DPP10: variants seen among roughly 807,000 people sequenced by gnomAD.
DPP10 encodes dipeptidyl peptidase like 10, also known as inactive dipeptidyl peptidase 10.
In DPP10, 33 loss-of-function variants were observed where a neutral mutation model predicts 120.9. The ratio of observed to expected loss-of-function variants is 0.27; its 90% CI spans 0.21 to 0.37. The LOEUF (loss-of-function observed/expected upper bound fraction) is 0.37, where lower values mean the gene tolerates loss of function less well. Among genes scored for constraint, DPP10 ranks in the 10% least tolerant of loss-of-function variants. The pLI, the probability that DPP10 is intolerant of heterozygous loss-of-function variation, is 1.00. For synonymous variants in DPP10, 337 were observed against 326.1 expected (o/e 1.03, Z -0.36); for missense variants, 816 against 942.8 (o/e 0.87, Z 1.76).
At chr2:114,639,816 A>G (rs914549304) in intron 1 of DPP10, among the ~76,000 whole-genome samples, 2 of 151,826 alleles carry the variant, frequency 1.3e-5, no homozygotes, top group South Asian at 2.1e-4. Flanking sequence ...TTGTTTTCTT[A>G]GTTGTGAAAT....
Position 115,168,114 on chromosome 2 carries a change from A to G in DPP10, c.61-141125A>G, listed in dbSNP as rs76171024. ...ACCCAGGGTGCATGTCCCTACTGTT[A>G]TGGGGAGGGGCATGGAATTGGATTA... On this transcript the variant is annotated intron_variant, in intron 1 of 25. Transcript: ENST00000410059. Among the ~76,000 whole-genome samples the G allele has an allele frequency of 4.3e-3, 650 of 152,064 alleles. 3 individuals carry two copies. Among genetic ancestry groups the G allele is most frequent in the African/African-American group, 0.015 (618 of 41,486 alleles).
intron 17 of DPP10, among the ~76,000 whole-genome samples, chr2:115,786,294 AT>A (rs1219577709): frequency 6.6e-6 from 1 of 152,224 alleles, no homozygotes; most frequent in Non-Finnish European, 1.5e-5. Flanking sequence ...CAAGATAAAC[AT>A]TGTTCATCAT....
chr2:114,935,669 C>T (rs924568825), intron 1 of DPP10, among the ~76,000 whole-genome samples: 5 of 146,000 alleles, frequency 3.4e-5, no homozygotes, highest in South Asian at 2.4e-4. Context: ...ATGATCCTTT[C>T]GGTTATTTGC....
chr2:115,538,178 A>G (rs1207920813), intron 5 of DPP10, among the ~76,000 whole-genome samples: 1 of 152,038 alleles, frequency 6.6e-6, no homozygotes, highest in Non-Finnish European at 1.5e-5. Flanking sequence ...CCCTTGACAC[A>G]GATCCTGAAA....
intron 1 of DPP10, among the ~76,000 whole-genome samples, chr2:114,622,960 A>G (rs1031129414): frequency 2.0e-5 from 3 of 152,114 alleles, no homozygotes; most frequent in Non-Finnish European, 4.4e-5. Flanking sequence ...CATGGAGGGT[A>G]TTCCAAGAGG....
intron 1 of DPP10, among the ~76,000 whole-genome samples, chr2:114,651,128 A>G (rs1696550998): frequency 6.6e-6 from 1 of 152,116 alleles, no homozygotes; most frequent in Admixed American, 6.5e-5. Context: ...TGTCACTTGC[A>G]TACATTACCT....
At chr2:115,457,196 A>C (rs1030003539) in intron 3 of DPP10, among the ~76,000 whole-genome samples, 3 of 152,122 alleles carry the variant, frequency 2.0e-5, no homozygotes, top group African/African-American at 7.2e-5. Flanking sequence ...AAATGGTGAT[A>C]GGAAAATTAT....
At chr2:115,163,179 G>T (rs2052565645) in intron 1 of DPP10, among the ~76,000 whole-genome samples, 1 of 152,168 alleles carries the variant, frequency 6.6e-6, no homozygotes, top group Admixed American at 6.5e-5. Context: ...GCAGCGACTC[G>T]GCTTTTCGCG....
chr2:115,033,670 G>A (rs1704005613), intron 1 of DPP10, among the ~76,000 whole-genome samples: 1 of 147,084 alleles, frequency 6.8e-6, no homozygotes, highest in South Asian at 2.2e-4. Context: ...ACAAAATTTG[G>A]CAATTTTTAC....
chr2:114,474,119 G>A (rs770387936), intron 1 of DPP10, among the ~76,000 whole-genome samples: 11 of 152,134 alleles, frequency 7.2e-5, no homozygotes, highest in Middle Eastern at 3.4e-3. Context: ...CACCAGGCCC[G>A]GCTAATATTT....
rs1677739146 is a variant in DPP10, at chr2:114,442,937, C to T, written c.60+99C>T. On this transcript the variant is annotated intron_variant, in intron 1 of 25. Transcript: ENST00000410059. The stretch of plus-strand genomic sequence containing the variant: ...ATCGGGGTACTGACAGTGGACATAC[C>T]TACTTGATTTGAGTTTGAATTGAAG... The T allele has an allele frequency of 2.8e-6, 4 of 1,437,280 alleles. No individual in the cohort carries two copies. In the Admixed American group the frequency reaches 5.8e-5, roughly 21 times the overall value. 89.0% of individuals were successfully genotyped at this position (1,437,280 alleles called of 1,614,324 possible).
At chr2:114,706,010 T>A (rs1700664721) in intron 1 of DPP10, among the ~76,000 whole-genome samples, 1 of 152,224 alleles carries the variant, frequency 6.6e-6, no homozygotes, top group African/African-American at 2.4e-5. Context: ...TGTCATTGTT[T>A]AGTAGGTTTA....
At chr2:115,139,724 TAAAAAAAAAAAAAAAAA>T (rs55826687) in intron 1 of DPP10, among the ~76,000 whole-genome samples, 1 of 56,620 alleles carries the variant, frequency 1.8e-5, no homozygotes, top group Non-Finnish European at 3.1e-5. Flanking sequence ...GTAAAAATAC[TAAAAAAAAAAAAAAAAA>T]AAAAAAAAAA....
intron 3 of DPP10, among the ~76,000 whole-genome samples, chr2:115,490,336 A>G (rs909337973): frequency 6.6e-6 from 1 of 152,164 alleles, no homozygotes; most frequent in African/African-American, 2.4e-5. Context: ...TTGTAAAACC[A>G]TCAGACCTTG....
intron 1 of DPP10, among the ~76,000 whole-genome samples, chr2:114,545,089 A>T (rs933931968): frequency 6.6e-6 from 1 of 152,120 alleles, no homozygotes; most frequent in Admixed American, 6.6e-5. Flanking sequence ...TGACCTCGTG[A>T]TCCGCCCACT....
intron 1 of DPP10, among the ~76,000 whole-genome samples, chr2:114,816,732 T>G (rs1191022394): frequency 2.0e-5 from 3 of 152,228 alleles, no homozygotes; most frequent in African/African-American, 7.2e-5. Flanking sequence ...AATAAATGAT[T>G]TGTTTCATGT....
chr2:114,726,076 CA>C (rs928142554), intron 1 of DPP10, among the ~76,000 whole-genome samples: 9 of 150,972 alleles, frequency 6.0e-5, no homozygotes, highest in South Asian at 2.1e-4. Flanking sequence ...ACTAAAAATA[CA>C]AAAAAAAATT....
At chr2:115,613,129 G>C (rs79910670) in intron 5 of DPP10, among the ~76,000 whole-genome samples, 1 of 152,110 alleles carries the variant, frequency 6.6e-6, no homozygotes, top group Non-Finnish European at 1.5e-5. Context: ...TCTGTGACTC[G>C]CTGTGGAAGT....
At chr2:115,199,940 A>T (rs1454719565) in intron 1 of DPP10, among the ~76,000 whole-genome samples, 1 of 152,114 alleles carries the variant, frequency 6.6e-6, no homozygotes, top group Admixed American at 6.5e-5. Context: ...AGGCCAGAGG[A>T]CAGCCTCCTG....
Sources: gnomAD v4.1 joint callset for allele counts (sites outside exome capture counted in the v4.1 genomes callset) on GRCh38, gnomAD v4.1.1 for gene constraint, MANE v1.5 for transcripts, NCBI Gene and HGNC (gene_info 2026-07-23, HGNC 2026-07-21) for gene names.